Variants in SND1 observed in about 807,000 individuals in gnomAD.
SND1 encodes staphylococcal nuclease domain-containing protein 1.
In SND1, 38 loss-of-function variants were observed where a neutral mutation model predicts 121.7. That is an observed-to-expected ratio of 0.31 (90% CI 0.24 to 0.41). The LOEUF is 0.41. Ranked by LOEUF, SND1 falls within the 10% of genes least tolerant of loss-of-function variation. The probability of loss-of-function intolerance (pLI) is 1.00; values close to 1 mark genes in which losing one functional copy is unlikely to be tolerated. For synonymous variants in SND1, 401 were observed against 447.4 expected (o/e 0.90, Z 1.31); for missense variants, 868 against 1,184.6 (o/e 0.73, Z 3.92).
chr7:127,915,974 A>T (rs1430448123), intron 14 of SND1, among the ~76,000 whole-genome samples: 2 of 151,142 alleles, frequency 1.3e-5, no homozygotes, highest in Non-Finnish European at 3.0e-5. Flanking sequence ...TTGAAATGGG[A>T]GTAGAATAAT....
chr7:127,807,626 C>T, intron 11 of SND1, 53 bp downstream of exon 11: 1 of 1,363,662 alleles, frequency 7.3e-7, no homozygotes, highest in Non-Finnish European at 1.0e-6. Context: ...TTAAGCTAAT[C>T]TTTTGGAGGC....
At position 127,881,787 on chromosome 7, in the gene SND1, G is replaced by A. The variant is rs1432107891; in HGVS notation, c.1344-6115G>A. 7.3e-4 allele frequency among the ~76,000 whole-genome samples: 111 copies of A among 152,150 alleles called. 6 individuals carry two copies. The highest frequency in any genetic ancestry group is 7.3e-3 in the Admixed American group (111 of 15,266). ...ACAGTCTCACTCTGTCACCGAGTCTGGAGTGCAGTGATGTGACACTCTGTC... is the reference window on the plus strand; with the variant it reads ...ACAGTCTCACTCTGTCACCGAGTCTAGAGTGCAGTGATGTGACACTCTGTC... On this transcript the variant is annotated intron_variant, in intron 12 of 23. Coordinates refer to ENST00000354725, the MANE Select transcript of SND1 (RefSeq NM_014390.4).
chr7:127,758,832 A>C (rs1034847119), intron 10 of SND1, among the ~76,000 whole-genome samples: 3 of 152,098 alleles, frequency 2.0e-5, no homozygotes, highest in African/African-American at 7.2e-5. Flanking sequence ...AGGCAGGAGG[A>C]TCACTTAAGC....
chr7:127,998,445 C>T (rs1802731239), intron 16 of SND1: 1 of 157,244 alleles, frequency 6.4e-6, no homozygotes, highest in Non-Finnish European at 1.4e-5. Flanking sequence ...AGAAACCATT[C>T]GTGTCCCTTC....
chr7:127,781,360 T>A (rs1005200048), intron 10 of SND1, among the ~76,000 whole-genome samples: 2 of 152,234 alleles, frequency 1.3e-5, no homozygotes, highest in African/African-American at 4.8e-5. Context: ...CTTCACTATG[T>A]GGCAATCATC....
At chr7:127,758,174 T>A (rs1267432313) in intron 10 of SND1, among the ~76,000 whole-genome samples, 1 of 152,262 alleles carries the variant, frequency 6.6e-6, no homozygotes, top group Non-Finnish European at 1.5e-5. Context: ...TAAGCATTTT[T>A]AAACATGTAT....
intron 11 of SND1, among the ~76,000 whole-genome samples, chr7:127,818,887 G>T (rs772662657): frequency 6.6e-6 from 1 of 152,228 alleles, no homozygotes; most frequent in Non-Finnish European, 1.5e-5. Context: ...TCTTTGATTA[G>T]AAGTTTAGGT....
intron 10 of SND1, among the ~76,000 whole-genome samples, chr7:127,751,663 C>T (rs1489965924): frequency 2.0e-5 from 3 of 152,220 alleles, no homozygotes; most frequent in Non-Finnish European, 4.4e-5. Flanking sequence ...ATGTGGGGTT[C>T]TATGTGACTC....
intron 15 of SND1, among the ~76,000 whole-genome samples, chr7:127,977,494 A>G (rs1248325972): frequency 2.0e-5 from 3 of 152,134 alleles, no homozygotes; most frequent in African/African-American, 7.2e-5. Flanking sequence ...TTTTGTTTGG[A>G]AGCAAATAAA....
At chr7:127,774,545 G>A (rs559614485) in intron 10 of SND1, among the ~76,000 whole-genome samples, 28 of 151,990 alleles carry the variant, frequency 1.8e-4, no homozygotes, top group South Asian at 1.5e-3. Flanking sequence ...CTGTAGTCAC[G>A]GTAAGTGCAC....
intron 11 of SND1, among the ~76,000 whole-genome samples, chr7:127,810,028 C>A (rs1798304896): frequency 6.6e-6 from 1 of 152,102 alleles, no homozygotes; most frequent in African/African-American, 2.4e-5. Context: ...TGTCCAGATG[C>A]CAGTAAAGTA....
intron 13 of SND1, among the ~76,000 whole-genome samples, chr7:127,899,167 T>C (rs1397138149): frequency 7.2e-5 from 11 of 152,076 alleles, no homozygotes; most frequent in Admixed American, 7.2e-4. Context: ...ATACTAACCC[T>C]CAAGGGACCT....
At chr7:128,059,557 C>T (rs1283518522) in intron 16 of SND1, among the ~76,000 whole-genome samples, 2 of 152,102 alleles carry the variant, frequency 1.3e-5, no homozygotes, top group African/African-American at 2.4e-5. Flanking sequence ...TTGAGGAACC[C>T]TAATCATTTT....
chr7:127,925,607 CTT>C (rs569713380), intron 14 of SND1, among the ~76,000 whole-genome samples: 18 of 140,784 alleles, frequency 1.3e-4, no homozygotes, highest in South Asian at 2.3e-4. Context: ...GTGGGTGTTT[CTT>C]TTTTTTTTTT....
chr7:127,957,789 C>G (rs958279221), intron 15 of SND1, among the ~76,000 whole-genome samples: 1 of 152,178 alleles, frequency 6.6e-6, no homozygotes, highest in East Asian at 1.9e-4. Context: ...CAACCTCCAC[C>G]TCCCAGGTTC....
chr7:127,669,274 A>C (rs1795473710), intron 1 of SND1, among the ~76,000 whole-genome samples: 1 of 152,224 alleles, frequency 6.6e-6, no homozygotes, highest in African/African-American at 2.4e-5. Flanking sequence ...TACAGGTGTG[A>C]GCCACTGTGC....
chr7:128,053,006 T>C (rs1260136086), intron 16 of SND1, among the ~76,000 whole-genome samples: 1 of 152,206 alleles, frequency 6.6e-6, no homozygotes, highest in Non-Finnish European at 1.5e-5. Context: ...ATCAAATGCA[T>C]TGAATAAAAA....
intron 10 of SND1, among the ~76,000 whole-genome samples, chr7:127,802,277 T>C (rs906407495): frequency 3.9e-5 from 6 of 152,294 alleles, no homozygotes; most frequent in Admixed American, 3.9e-4. Context: ...CCTGCACAGT[T>C]TAAACCCATG....
At chr7:127,961,632 A>G (rs796823225) in intron 15 of SND1, among the ~76,000 whole-genome samples, 9 of 152,324 alleles carry the variant, frequency 5.9e-5, no homozygotes, top group African/African-American at 1.9e-4. Context: ...ATTTTCTTCT[A>G]TTGCCGTCAT....
Sources: gnomAD v4.1 joint callset for allele counts (sites outside exome capture counted in the v4.1 genomes callset) on GRCh38, gnomAD v4.1.1 for gene constraint, MANE v1.5 for transcripts, NCBI Gene and HGNC (gene_info 2026-07-23, HGNC 2026-07-21) for gene names.